CDH18: variants seen among roughly 807,000 people sequenced by gnomAD.
The protein encoded by CDH18 is cadherin-18.
Under a neutral mutation model 67.9 loss-of-function variants are expected in CDH18, and 31 were observed. The observed-to-expected ratio is 0.46, with a 90% CI of 0.34 to 0.62. The LOEUF is 0.62. Among genes scored for constraint, CDH18 ranks in the 20% least tolerant of loss-of-function variants. CDH18 has a pLI of 0.01. For missense variants in CDH18, 890 were observed against 975.5 expected (o/e 0.91, Z 1.17); for synonymous variants, 362 against 347.2 (o/e 1.04, Z -0.48).
intron 5 of CDH18, among the ~76,000 whole-genome samples, chr5:19,666,794 G>A (rs2150333672): frequency 6.6e-6 from 1 of 152,118 alleles, no homozygotes; most frequent in East Asian, 1.9e-4. Context: ...AGAAGTGAGT[G>A]CACAAACTGG....
At chr5:20,339,784 A>G (rs758571264) in intron 1 of CDH18, among the ~76,000 whole-genome samples, 8 of 152,186 alleles carry the variant, frequency 5.3e-5, no homozygotes, top group African/African-American at 1.2e-4. Flanking sequence ...GCTGATATGT[A>G]TATAGAAGCT....
At chr5:20,023,972 C>G (rs758185165) in intron 2 of CDH18, among the ~76,000 whole-genome samples, 1 of 152,158 alleles carries the variant, frequency 6.6e-6, no homozygotes, top group Non-Finnish European at 1.5e-5. Flanking sequence ...GGAGCTCTTG[C>G]TGCAGTAGAG....
At chr5:19,667,601 C>G (rs543760727) in intron 5 of CDH18, among the ~76,000 whole-genome samples, 76 of 150,470 alleles carry the variant, frequency 5.1e-4, no homozygotes, top group African/African-American at 1.8e-3. Context: ...AGTAGTTAAA[C>G]AGGCTACATA....
chr5:19,770,824 C>A (rs1773650956), intron 3 of CDH18, among the ~76,000 whole-genome samples: 1 of 152,148 alleles, frequency 6.6e-6, no homozygotes, highest in Non-Finnish European at 1.5e-5. Context: ...TTTTTCTATG[C>A]TTGTATCAGC....
intron 9 of CDH18, among the ~76,000 whole-genome samples, chr5:19,530,842 A>C (rs1748487259): frequency 6.6e-6 from 1 of 152,138 alleles, no homozygotes; most frequent in African/African-American, 2.4e-5. Flanking sequence ...GTTGTTGGAC[A>C]TTTGGCTTGG....
chr5:19,906,535 T>C (rs895824837), intron 2 of CDH18, among the ~76,000 whole-genome samples: 2 of 151,958 alleles, frequency 1.3e-5, no homozygotes, highest in Non-Finnish European at 2.9e-5. Flanking sequence ...CTTGATAACA[T>C]ACTATTGTAA....
At chr5:20,409,644 A>G (rs761934112) in intron 1 of CDH18, among the ~76,000 whole-genome samples, 21 of 151,722 alleles carry the variant, frequency 1.4e-4, no homozygotes, top group African/African-American at 1.9e-4. Context: ...GCAGAAGAAC[A>G]TAATAAAGAT....
intron 11 of CDH18, among the ~76,000 whole-genome samples, chr5:19,495,465 G>A (rs963367276): frequency 4.6e-5 from 7 of 151,974 alleles, no homozygotes; most frequent in Non-Finnish European, 8.8e-5. Context: ...TCTCAGCCGG[G>A]AGCTGTGGTT....
At chr5:19,627,172 T>C (rs1359168378) in intron 5 of CDH18, among the ~76,000 whole-genome samples, 1 of 152,136 alleles carries the variant, frequency 6.6e-6, no homozygotes, top group African/African-American at 2.4e-5. Flanking sequence ...TTGTCTAGAC[T>C]TGAGAAAGTA....
intron 10 of CDH18, among the ~76,000 whole-genome samples, chr5:19,511,594 T>C (rs1745127204): frequency 6.6e-6 from 1 of 152,172 alleles, no homozygotes; most frequent in South Asian, 2.1e-4. Context: ...ACTCTTGCTA[T>C]GCTTTAGCAA....
chr5:20,057,212 T>C (rs1222054472), intron 2 of CDH18, among the ~76,000 whole-genome samples: 1 of 152,148 alleles, frequency 6.6e-6, no homozygotes. Context: ...ATCATAACTA[T>C]GAATACATCA....
At chr5:19,486,070 T>C (rs1232304565) in intron 11 of CDH18, among the ~76,000 whole-genome samples, 3 of 152,112 alleles carry the variant, frequency 2.0e-5, no homozygotes, top group Non-Finnish European at 4.4e-5. Context: ...TTCCTGTTTT[T>C]CCCGTTAAAG....
intron 3 of CDH18, among the ~76,000 whole-genome samples, chr5:19,755,150 T>C (rs564458936): frequency 6.9e-6 from 1 of 144,300 alleles, no homozygotes; most frequent in South Asian, 2.2e-4. Flanking sequence ...AGAAAGGAAA[T>C]AACCAAGATC....
chr5:20,083,410 T>G (rs1744659060), intron 2 of CDH18, among the ~76,000 whole-genome samples: 1 of 152,196 alleles, frequency 6.6e-6, no homozygotes, highest in Non-Finnish European at 1.5e-5. Flanking sequence ...TTTATTTTTT[T>G]TAACAAATTG....
intron 3 of CDH18, among the ~76,000 whole-genome samples, chr5:19,789,742 A>G (rs1776169779): frequency 6.6e-6 from 1 of 152,140 alleles, no homozygotes; most frequent in South Asian, 2.1e-4. Context: ...TGCTGAAGTT[A>G]TTGTCTTAGA....
rs1234075711 is a variant in CDH18 at position 19,472,775 on chromosome 5, C to T, written c.*451G>A. 6.6e-6 allele frequency among the ~76,000 whole-genome samples: 1 copy of T among 152,068 alleles called. No homozygotes were observed. The highest frequency in any genetic ancestry group is 1.5e-5 in the Non-Finnish European group (1 of 68,014). On this transcript the variant is annotated 3_prime_UTR_variant, in exon 13 of 13. Transcript: ENST00000382275. ...ACAGAGTGTGGTTCTCAAGGTTTCACCCAGAAAAGTGATAAAAGAGGTTGT... is the reference window on the plus strand; with the variant it reads ...ACAGAGTGTGGTTCTCAAGGTTTCATCCAGAAAAGTGATAAAAGAGGTTGT...
chr5:19,908,919 T>A (rs796390071), intron 2 of CDH18, among the ~76,000 whole-genome samples: 49 of 152,290 alleles, frequency 3.2e-4, no homozygotes, highest in African/African-American at 1.1e-3. Context: ...TGTGGATCAG[T>A]GCAGTGGATA....
intron 1 of CDH18, among the ~76,000 whole-genome samples, chr5:20,475,372 C>T (rs971324080): frequency 1.1e-4 from 17 of 152,012 alleles, no homozygotes; most frequent in Admixed American, 2.6e-4. Flanking sequence ...AAGAGACAGA[C>T]ATCATTATAG....
intron 2 of CDH18, among the ~76,000 whole-genome samples, chr5:20,219,734 A>G (rs564623633): frequency 6.6e-6 from 1 of 152,098 alleles, no homozygotes; most frequent in Admixed American, 6.6e-5. Flanking sequence ...CAAAATCCTT[A>G]TGATCATTTC....
Sources: gnomAD v4.1 joint callset for allele counts (sites outside exome capture counted in the v4.1 genomes callset) on GRCh38, gnomAD v4.1.1 for gene constraint, MANE v1.5 for transcripts, NCBI Gene and HGNC (gene_info 2026-07-23, HGNC 2026-07-21) for gene names.